PRDM4: variants seen among roughly 807,000 people sequenced by gnomAD.
PRDM4 encodes PR/SET domain 4.
A neutral mutation model predicts 62.3 loss-of-function variants in PRDM4; 38 were observed. The observed-to-expected ratio is 0.61, with a 90% CI of 0.47 to 0.80. The LOEUF (loss-of-function observed/expected upper bound fraction) is 0.80. Among genes scored for constraint, PRDM4 ranks in the 30% least tolerant of loss-of-function variants. The pLI, the probability that PRDM4 is intolerant of heterozygous loss-of-function variation, is 0.00. For synonymous variants in PRDM4, 339 were observed against 348.2 expected (o/e 0.97, Z 0.30); for missense variants, 858 against 997.1 (o/e 0.86, Z 1.88).
intron 5 of PRDM4, among the ~76,000 whole-genome samples, chr12:107,747,219 T>G (rs1439166871): frequency 3.3e-5 from 5 of 152,096 alleles, no homozygotes; most frequent in African/African-American, 1.2e-4. Flanking sequence ...TACATTTAGG[T>G]ATGATGCCCT....
At chr12:107,748,627 G>A (rs1890797861) in intron 5 of PRDM4, among the ~76,000 whole-genome samples, 1 of 152,194 alleles carries the variant, frequency 6.6e-6, no homozygotes, top group African/African-American at 2.4e-5. Flanking sequence ...TCTGGAAAAG[G>A]CAAATCCATA....
At chr12:107,756,098 A>C (rs1891057590) in intron 3 of PRDM4, among the ~76,000 whole-genome samples, 1 of 151,762 alleles carries the variant, frequency 6.6e-6, no homozygotes, top group Non-Finnish European at 1.5e-5. Flanking sequence ...CTCAAAAAAG[A>C]AAAAAAAGAA....
At chr12:107,746,493 T>G in intron 5 of PRDM4, 69 bp from the exon 6 acceptor site, 1 of 1,388,432 alleles carries the variant, frequency 7.2e-7, no homozygotes, top group East Asian at 2.5e-5. Context: ...ACCACGGTTT[T>G]TTTTTTTTTT....
rs1210132535 is a variant in PRDM4, at chr12:107,739,495, G to A, written c.1981C>T (p.Leu661=). The A allele has an allele frequency of 3.7e-6, 6 of 1,613,854 alleles. No individual in the cohort carries two copies. In the African/African-American group the frequency reaches 5.3e-5, roughly 14 times the overall value. ...GTGTGGATAACCATGTGGGACTCCA[G>A]GTGAGCCTTCTGGGTGAAAGACTTG... The part of the protein sequence containing the change: ...CDKSFTQKAH[L]ESHMVIHTGE... The change falls in exon 11 of 12, where the codon CTG becomes TTG. Residue 661 remains leucine (L), a synonymous_variant. Coordinates refer to ENST00000228437, the MANE Select transcript of PRDM4 (RefSeq NM_012406.4).
chr12:107,734,594 T>C (rs73189508), intron 11 of PRDM4, 72 bp from the exon 12 acceptor site: 25,857 of 1,424,288 alleles, frequency 0.018, 302 homozygotes, highest in South Asian at 0.024. Context: ...TTATTCTTCA[T>C]AGCCGCAGGC....
At chr12:107,748,386 T>C (rs1890785376) in intron 5 of PRDM4, among the ~76,000 whole-genome samples, 1 of 152,122 alleles carries the variant, frequency 6.6e-6, no homozygotes, top group African/African-American at 2.4e-5. Flanking sequence ...ACATGAGAGT[T>C]CATAACAGCA....
chr12:107,735,046 A>G lies in PRDM4; in HGVS notation c.2094-524T>C, dbSNP rs114970270. Among the ~76,000 whole-genome samples the G allele has an allele frequency of 4.6e-3, 696 of 152,170 alleles. 9 individuals are homozygous for G. The highest frequency in any genetic ancestry group is 0.016 in the African/African-American group (672 of 41,506). ...ACCATGTTGCCCAGACTGGAGTGCA[A>G]TGGCTATTCACAGGTGTGATCATCA... is the stretch of plus-strand genomic sequence containing the variant. On this transcript the variant is annotated intron_variant, in intron 11 of 11. Transcript: ENST00000228437.
At chr12:107,741,546 T>TAA (rs879569102) in intron 9 of PRDM4, among the ~76,000 whole-genome samples, 6 of 142,988 alleles carry the variant, frequency 4.2e-5, no homozygotes, top group South Asian at 2.2e-4. Context: ...CCCATCTCCA[T>TAA]AAAAAAAAAA....
intron 4 of PRDM4, among the ~76,000 whole-genome samples, chr12:107,753,422 T>C (rs1890963711): frequency 6.7e-6 from 1 of 149,616 alleles, no homozygotes. Flanking sequence ...GAAGAAACCG[T>C]GGTCTTAATT....
At chr12:107,756,792 G>A (rs774684762) in intron 3 of PRDM4, 40 bp downstream of exon 3, 14 of 1,610,274 alleles carry the variant, frequency 8.7e-6, no homozygotes, top group Non-Finnish European at 1.2e-5. Context: ...TGATAACAGA[G>A]TTAAGTGTTG....
rs201315654 is a variant in PRDM4, at chr12:107,746,384, G to C, written c.1167C>G (p.Pro389=). 7.5e-5 allele frequency: 121 copies of C among 1,613,084 alleles called. No homozygotes were observed. The East Asian group carries it at 2.7e-3, about 36-fold the overall frequency. ...GAACAAAAGTCACTGGTCCATGTTCGGGACAGTCCGAGGGATAGGCGCGGT... is the reference window on the plus strand; with the variant it reads ...GAACAAAAGTCACTGGTCCATGTTCCGGACAGTCCGAGGGATAGGCGCGGT... The part of the protein sequence containing the change: ...LCDRAYPSDC[P]EHGPVTFVPD... Residue 389 remains proline, a synonymous_variant, in exon 6 of 12, where the codon CCC becomes CCG. Transcript: ENST00000228437.
In PRDM4 at chr12:107,751,854, G is replaced by A; in HGVS notation, c.687C>T (p.Ser229=). 1 of 1,614,210 alleles carries A rather than the reference G, an allele frequency of 6.2e-7. No homozygotes were observed. Among genetic ancestry groups the A allele is most frequent in the Non-Finnish European group, 8.5e-7 (1 of 1,180,040 alleles). Residue 229 remains serine (S), a synonymous_variant, in exon 5 of 12, where the codon TCC becomes TCT. Transcript: ENST00000228437. ...CCACAGACAGAGGTTCATGACTTCT[G>A]GAGCCATTTGGGATTTGGGAATGCT... ...AGEHSQIPNG[S]RSHEPLSVDS... is the part of the protein sequence containing the mutation.
chr12:107,756,968 A>G lies in PRDM4; in HGVS notation c.12-3T>C, dbSNP rs1891084171. ...GACTCAGGTTCATTTCATTCATCCT[A>G]GAAAAGAGCACACACAACTAGTTAT... On this transcript the variant is annotated splice_region_variant and splice_polypyrimidine_tract_variant and intron_variant, in intron 2 of 11. Transcript: ENST00000228437. 3 of 1,613,960 alleles carry G rather than the reference A, an allele frequency of 1.9e-6. No individual in the cohort carries two copies. Among genetic ancestry groups the G allele is most frequent in the Non-Finnish European group, 2.5e-6 (3 of 1,179,984 alleles).
At chr12:107,753,809 G>A in intron 4 of PRDM4, 115 bp downstream of exon 4, 1 of 995,438 alleles carries the variant, frequency 1.0e-6, no homozygotes, top group Non-Finnish European at 1.4e-6. Context: ...CCTGCCTAGA[G>A]ATTAATATCT....
intron 9 of PRDM4, 55 bp from the exon 10 acceptor site, chr12:107,741,315 C>A (rs1048156080): frequency 1.4e-6 from 2 of 1,470,804 alleles, no homozygotes; most frequent in African/African-American, 2.8e-5. Context: ...AAAACTTGTT[C>A]TTGATATTAA....
At chr12:107,757,522 T>C (rs1209900708) in intron 2 of PRDM4, among the ~76,000 whole-genome samples, 1 of 152,158 alleles carries the variant, frequency 6.6e-6, no homozygotes, top group African/African-American at 2.4e-5. Flanking sequence ...CTCCAAATAT[T>C]GAGGGTCATT....
At chr12:107,753,800 C>T (rs1308870679) in intron 4 of PRDM4, 124 bp downstream of exon 4, 1 of 886,514 alleles carries the variant, frequency 1.1e-6, no homozygotes, top group Admixed American at 3.3e-5. Context: ...GATACTTTTC[C>T]TGCCTAGAGA....
rs370603899 is a variant in PRDM4, at chr12:107,741,254, G to C, written c.1616C>G (p.Pro539Arg). ...ACAGAGATGCACATCTGGGTGTTCAGGAACACCTTTTAAAAAAAAATTACT... is the reference window on the plus strand; with the variant it reads ...ACAGAGATGCACATCTGGGTGTTCACGAACACCTTTTAAAAAAAAATTACT... ...SRDYAQQIGV[P>R]EHPDVHLCNC... Residue 539 changes from proline (P) to arginine (R), a missense_variant, in exon 10 of 12, where the codon CCT (proline) becomes CGT (arginine). Pro to Arg is a moderately radical substitution (Grantham distance 103). Transcript: ENST00000228437. 2.0e-5 allele frequency: 32 copies of C among 1,599,476 alleles called. No individual in the cohort carries two copies. The highest frequency in any genetic ancestry group is 2.7e-5 in the Non-Finnish European group (32 of 1,170,450).
rs148292621 is a variant in PRDM4 at position 107,753,542 on chromosome 12, G to C, written c.331+382C>G. 3.3e-5 allele frequency among the ~76,000 whole-genome samples: 5 copies of C among 152,144 alleles called. No individual in the cohort carries two copies. In the East Asian group the frequency reaches 9.7e-4, roughly 29 times the overall value. ...CCTTCCCTTATTTGCTAAATTTTCC[G>C]CAATAAGCATATAATACTCCTATAA... On this transcript the variant is annotated intron_variant, in intron 4 of 11. Coordinates refer to ENST00000228437, the MANE Select transcript of PRDM4 (RefSeq NM_012406.4).
Sources: gnomAD v4.1 joint callset for allele counts (sites outside exome capture counted in the v4.1 genomes callset) on GRCh38, gnomAD v4.1.1 for gene constraint, MANE v1.5 for transcripts, NCBI Gene and HGNC (gene_info 2026-07-23, HGNC 2026-07-21) for gene names.